The following FKBP5 variants were observed in gnomAD, a reference collection of about 807,000 sequenced individuals.
The protein encoded by FKBP5 is FKBP prolyl isomerase 5, also known as peptidyl-prolyl cis-trans isomerase FKBP5.
In FKBP5, 23 loss-of-function variants were observed where a neutral mutation model predicts 50.5. That is an observed-to-expected ratio of 0.46 (90% CI 0.33 to 0.65). FKBP5 has a LOEUF of 0.65. FKBP5 is among the 30% of genes least tolerant of loss of function. The probability of loss-of-function intolerance (pLI) is 0.02; values close to 1 mark genes in which losing one functional copy is unlikely to be tolerated. For missense variants in FKBP5, 411 were observed against 553.1 expected (o/e 0.74, Z 2.58); for synonymous variants, 176 against 190.6 (o/e 0.92, Z 0.63).
intron 3 of FKBP5, among the ~76,000 whole-genome samples, chr6:35,627,071 G>A (rs1195302728): frequency 6.6e-6 from 1 of 152,126 alleles, no homozygotes; most frequent in African/African-American, 2.4e-5. Flanking sequence ...TTCCACAGCA[G>A]CTGCACTATT....
intron 5 of FKBP5, among the ~76,000 whole-genome samples, chr6:35,616,331 A>T (rs1181522339): frequency 6.6e-6 from 1 of 151,280 alleles, no homozygotes; most frequent in Non-Finnish European, 1.5e-5. Context: ...AAAAAAAAAA[A>T]AAAAAAAAGT....
upstream of FKBP5, among the ~76,000 whole-genome samples, chr6:35,692,256 A>G (rs1352256487): frequency 1.3e-5 from 2 of 152,180 alleles, no homozygotes; most frequent in African/African-American, 4.8e-5. Context: ...TCAAGATTGC[A>G]GGTGTGAGCC....
At chr6:35,675,505 G>A (rs1035875325) in intron 1 of FKBP5, among the ~76,000 whole-genome samples, 2 of 152,194 alleles carry the variant, frequency 1.3e-5, no homozygotes, top group African/African-American at 4.8e-5. Context: ...GGGAGACAGA[G>A]GTTGCAGTGA....
intron 1 of FKBP5, among the ~76,000 whole-genome samples, chr6:35,686,552 GTTCCT>G (rs1765833709): frequency 6.6e-6 from 1 of 152,140 alleles, no homozygotes; most frequent in South Asian, 2.1e-4. Context: ...GTCTTATCCA[GTTCCT>G]TTCAACTATT....
chr6:35,669,785 A>T (rs1186288974), intron 1 of FKBP5, among the ~76,000 whole-genome samples: 1 of 152,244 alleles, frequency 6.6e-6, no homozygotes, highest in Non-Finnish European at 1.5e-5. Flanking sequence ...ACCTCTTATA[A>T]CTTATGACTC....
intron 3 of FKBP5, among the ~76,000 whole-genome samples, chr6:35,625,730 C>T (rs1240261433): frequency 1.4e-5 from 2 of 146,874 alleles, no homozygotes; most frequent in African/African-American, 5.0e-5. Context: ...AGCAAGACTC[C>T]GTCTCAAAAA....
intron 5 of FKBP5, among the ~76,000 whole-genome samples, chr6:35,600,901 G>C (rs1310124641): frequency 6.6e-6 from 1 of 152,140 alleles, no homozygotes; most frequent in Admixed American, 6.6e-5. Context: ...CTCTTTAGAT[G>C]TGATAACCCA....
At chr6:35,699,208 T>C (rs928310640) in intron 2 of FKBP5, among the ~76,000 whole-genome samples, 1 of 152,204 alleles carries the variant, frequency 6.6e-6, no homozygotes, top group Middle Eastern at 3.2e-3. Context: ...GGGCTCTCCA[T>C]GAAGCTAGGT....
chr6:35,688,701 G>A (rs1456451853), intron 1 of FKBP5, 103 bp downstream of exon 1: 1 of 150,794 alleles, frequency 6.6e-6, no homozygotes, highest in East Asian at 1.9e-4. Context: ...GGGGGTGGGA[G>A]CTGAGGCAGC....
chr6:35,720,809 C>T (rs1766598548), intron 1 of FKBP5, among the ~76,000 whole-genome samples: 1 of 152,170 alleles, frequency 6.6e-6, no homozygotes, highest in African/African-American at 2.4e-5. Flanking sequence ...AGAAGAATCA[C>T]CATTAATTTC....
chr6:35,644,293 A>C (rs1308105805), intron 1 of FKBP5, among the ~76,000 whole-genome samples: 1 of 152,248 alleles, frequency 6.6e-6, no homozygotes, highest in Non-Finnish European at 1.5e-5. Context: ...TCACTCCTAC[A>C]GCTATTACAC....
At chr6:35,629,432 T>G (rs548840378) in intron 3 of FKBP5, among the ~76,000 whole-genome samples, 1 of 152,340 alleles carries the variant, frequency 6.6e-6, no homozygotes, top group East Asian at 1.9e-4. Context: ...TATGTTACAT[T>G]GTATTTTTGT....
At chr6:35,705,233 T>C (rs1561903542) in intron 2 of FKBP5, among the ~76,000 whole-genome samples, 2 of 3,576 alleles carry the variant, frequency 5.6e-4, no homozygotes, top group African/African-American at 2.9e-3. Flanking sequence ...TATATATATA[T>C]ATATATATAT....
chr6:35,638,948 CCAGAGAGT>C (rs1181614009), intron 2 of FKBP5, among the ~76,000 whole-genome samples: 2 of 152,084 alleles, frequency 1.3e-5, no homozygotes, highest in Non-Finnish European at 2.9e-5. Flanking sequence ...TGAATGGCTA[CCAGAGAGT>C]CAGAGAGCCA....
At chr6:35,618,665 T>G (rs1378497623) in intron 5 of FKBP5, among the ~76,000 whole-genome samples, 1 of 152,106 alleles carries the variant, frequency 6.6e-6, no homozygotes, top group African/African-American at 2.4e-5. Flanking sequence ...CATGAGCCAC[T>G]GTGCCCAGCT....
chr6:35,651,705 A>G (rs1287186936), intron 1 of FKBP5: 1 of 159,026 alleles, frequency 6.3e-6, no homozygotes, highest in East Asian at 1.9e-4. Flanking sequence ...AAACTCTGAA[A>G]CTTTTTGAAT....
At chr6:35,613,849 C>A (rs73748203) in intron 5 of FKBP5, among the ~76,000 whole-genome samples, 11,048 of 152,220 alleles carry the variant, frequency 0.073, 792 homozygotes, top group African/African-American at 0.2. Context: ...TACATTCTAA[C>A]AAGATGAAAG....
chr6:35,688,468 G>A (rs1765899700), intron 1 of FKBP5, among the ~76,000 whole-genome samples: 1 of 151,742 alleles, frequency 6.6e-6, no homozygotes, highest in Non-Finnish European at 1.5e-5. Context: ...GTGAGGACGG[G>A]CGGGCGCGAC....
At chr6:35,662,882 A>AT (rs1765111055) in intron 1 of FKBP5, among the ~76,000 whole-genome samples, 1 of 152,208 alleles carries the variant, frequency 6.6e-6, no homozygotes, top group Admixed American at 6.5e-5. Context: ...AAGAAAACTG[A>AT]AATAAGTTAG....
Sources: allele counts gnomAD v4.1 joint callset (sites outside exome capture counted in the v4.1 genomes callset), GRCh38; gene constraint gnomAD v4.1.1; transcripts MANE v1.5; gene names NCBI Gene and HGNC (gene_info 2026-07-23, HGNC 2026-07-21).